The following NINL variants were observed in gnomAD, a reference collection of about 807,000 sequenced individuals.
NINL encodes the protein ninein like.
NINL carries 153 observed loss-of-function variants against 160.3 expected under a neutral mutation model. That is an observed-to-expected ratio of 0.95 (90% CI 0.84 to 1.09). The LOEUF (loss-of-function observed/expected upper bound fraction) is 1.09, where lower values mean the gene tolerates loss of function less well. Among genes scored for constraint, NINL ranks in the 50% least tolerant of loss-of-function variants. The probability of loss-of-function intolerance (pLI) is 0.00; values close to 1 mark genes in which losing one functional copy is unlikely to be tolerated. For missense variants in NINL, 1,829 were observed against 1,764.0 expected (o/e 1.04, Z -0.66); for synonymous variants, 800 against 734.8 (o/e 1.09, Z -1.43).
At position 25,489,908 on chromosome 20, in the gene NINL, C is replaced by A. The variant is rs1168823458; in HGVS notation, c.1563G>T (p.Leu521=). 5 of 1,614,192 alleles carry A rather than the reference C, an allele frequency of 3.1e-6. 1 individual carries two copies. In the Admixed American group the frequency reaches 8.3e-5, roughly 27 times the overall value. ...LSDSERLALK[L]QKDLEFVLKD... ...TCAGCACAAACTCCAGGTCCTTCTGCAGCTTCAGGGCCAGCCTCTCCGAAT... is the reference window on the plus strand; with the variant it reads ...TCAGCACAAACTCCAGGTCCTTCTGAAGCTTCAGGGCCAGCCTCTCCGAAT... Residue 521 remains leucine (L), a synonymous_variant, in exon 12 of 24, where the codon CTG becomes CTT. Transcript: ENST00000278886.
chr20:25,552,320 G>A (rs2147099405), intron 1 of NINL, among the ~76,000 whole-genome samples: 1 of 152,088 alleles, frequency 6.6e-6, no homozygotes, highest in East Asian at 1.9e-4. Context: ...GACCACTTGA[G>A]CCCAGGAGTT....
intron 17 of NINL, among the ~76,000 whole-genome samples, chr20:25,475,472 A>G: frequency 6.6e-6 from 1 of 152,222 alleles, no homozygotes; most frequent in East Asian, 1.9e-4. Flanking sequence ...ACTGCAGACC[A>G]ATCCCTTATG....
chr20:25,577,668 T>G (rs2065130280), intron 1 of NINL, among the ~76,000 whole-genome samples: 1 of 152,150 alleles, frequency 6.6e-6, no homozygotes, highest in South Asian at 2.1e-4. Flanking sequence ...CACCCATGAC[T>G]CTAAGGGGAA....
At chr20:25,553,661 A>C (rs1048565570) in intron 1 of NINL, among the ~76,000 whole-genome samples, 1 of 152,260 alleles carries the variant, frequency 6.6e-6, no homozygotes, top group African/African-American at 2.4e-5. Context: ...ACAGACTTGC[A>C]CGCCATTATG....
intron 8 of NINL, 114 bp from the exon 9 acceptor site, chr20:25,498,460 C>A: frequency 7.5e-7 from 1 of 1,336,302 alleles, no homozygotes; most frequent in Non-Finnish European, 1.0e-6. Flanking sequence ...CCAGGCAGCA[C>A]CTGCCCCTCC....
intron 1 of NINL, among the ~76,000 whole-genome samples, chr20:25,563,496 C>T (rs1249463420): frequency 6.6e-6 from 1 of 152,014 alleles, no homozygotes; most frequent in Non-Finnish European, 1.5e-5. Flanking sequence ...GAAATAAAAC[C>T]TAATGAACAA....
intron 1 of NINL, among the ~76,000 whole-genome samples, chr20:25,569,674 C>G (rs1368120163): frequency 6.6e-6 from 1 of 152,210 alleles, no homozygotes; most frequent in Non-Finnish European, 1.5e-5. Flanking sequence ...AGGCCGACGA[C>G]TGGTAACCCA....
In NINL at chr20:25,453,680, G is replaced by T. The variant is rs372633499; in HGVS notation, c.3958-38C>A. The T allele has an allele frequency of 3.9e-6, 6 of 1,539,878 alleles. No homozygotes were observed. The Admixed American group carries it at 1.2e-4, about 30-fold the overall frequency. On this transcript the variant is annotated intron_variant, in intron 23 of 23. Coordinates refer to ENST00000278886, the MANE Select transcript of NINL (RefSeq NM_025176.6). ...GGAAGCCATGCTTTGCATGAGGCCG[G>T]TGGAGAAACGCTACAGATCAGCCTG...
rs538614748 is a variant in NINL, at chr20:25,454,731, C to T, written c.3957+942G>A. On this transcript the variant is annotated intron_variant, in intron 23 of 23. Coordinates refer to ENST00000278886, the MANE Select transcript of NINL (RefSeq NM_025176.6). ...ACCCCACACCCGTGGGGTCCACCCA[C>T]ACCCTGTGCCATCAGCCCTCAGGGC... Among the ~76,000 whole-genome samples, 134 of 152,284 alleles carry T rather than the reference C, an allele frequency of 8.8e-4. 3 individuals are homozygous for T. The South Asian group carries it at 0.024, about 28-fold the overall frequency.
chr20:25,518,441 T>C (rs1020640233), intron 2 of NINL, among the ~76,000 whole-genome samples: 3 of 152,244 alleles, frequency 2.0e-5, no homozygotes, highest in African/African-American at 7.2e-5. Context: ...CACTCTTTAA[T>C]ACAGTAAAGC....
At chr20:25,554,465 A>G (rs2064840761) in intron 1 of NINL, among the ~76,000 whole-genome samples, 1 of 152,054 alleles carries the variant, frequency 6.6e-6, no homozygotes. Context: ...TGCATACTGG[A>G]GTTTAAGGAT....
At chr20:25,545,983 T>C (rs972149781) in intron 1 of NINL, among the ~76,000 whole-genome samples, 2 of 39,176 alleles carry the variant, frequency 5.1e-5, no homozygotes, top group African/African-American at 7.5e-5. Context: ...TGTTGTTTTG[T>C]TTTTATTTTT....
rs769285287 is a variant in NINL at position 25,476,682 on chromosome 20, TCA to T, written c.2607_2608del (p.Glu870GlyfsTer103). ...GCGAGGCCCGGCTCCTGCCGCCTCC[TCA>T]GACTCTCTGCCATCACCTGGGGCCA... On this transcript the variant is annotated frameshift_variant, in exon 17 of 24. Transcript: ENST00000278886. LOFTEE classifies it high-confidence loss of function. 1 of 1,592,662 alleles carries T rather than the reference TCA, an allele frequency of 6.3e-7. No homozygotes were observed. Among genetic ancestry groups the T allele is most frequent in the South Asian group, 1.1e-5 (1 of 89,618 alleles).
At chr20:25,498,494 T>C in intron 8 of NINL, 148 bp from the exon 9 acceptor site, 2 of 1,039,934 alleles carry the variant, frequency 1.9e-6, no homozygotes, top group Non-Finnish European at 1.4e-6. Context: ...CTCTGCGTCT[T>C]GAGGGGTGCT....
intron 1 of NINL, among the ~76,000 whole-genome samples, chr20:25,577,895 C>T (rs1040450923): frequency 1.6e-4 from 24 of 151,450 alleles, no homozygotes; most frequent in Admixed American, 1.3e-3. Flanking sequence ...TGCAATGGCG[C>T]GATCTCGGCT....
At chr20:25,514,673 AG>A (rs1478245343) in intron 3 of NINL, among the ~76,000 whole-genome samples, 1 of 152,222 alleles carries the variant, frequency 6.6e-6, no homozygotes, top group African/African-American at 2.4e-5. Flanking sequence ...CAAGGAGGAA[AG>A]AATGGTTTCA....
intron 1 of NINL, among the ~76,000 whole-genome samples, chr20:25,540,303 G>C (rs6083877): frequency 0.22 from 34,028 of 152,192 alleles, 4,829 homozygotes; most frequent in Non-Finnish European, 0.31. Flanking sequence ...CCAAGTGAAA[G>C]AAAATCCTGT....
intron 4 of NINL, among the ~76,000 whole-genome samples, chr20:25,511,936 TGA>T (rs2064077273): frequency 6.6e-6 from 1 of 152,178 alleles, no homozygotes; most frequent in East Asian, 1.9e-4. Context: ...TGGCAGAAGC[TGA>T]GAGCACAGAG....
chr20:25,510,727 T>C lies in NINL; in HGVS notation c.464A>G (p.Asp155Gly). 3.1e-6 allele frequency: 5 copies of C among 1,613,710 alleles called. No individual in the cohort carries two copies. Among genetic ancestry groups the C allele is most frequent in the Non-Finnish European group, 4.2e-6 (5 of 1,179,836 alleles). ...TTCTTTAGTGCTCTCGGCCTCTTCA[T>C]CTGACTTGGGACTCTGTAGAAAGAT... ...SLESVESPKS[D>G]EEAESTKEAQ... Residue 155 changes from aspartate to glycine, a missense_variant, in exon 5 of 24, where the codon GAT becomes GGT. Coordinates refer to ENST00000278886, the MANE Select transcript of NINL (RefSeq NM_025176.6).
Sources: gnomAD v4.1 joint callset for allele counts (sites outside exome capture counted in the v4.1 genomes callset) on GRCh38, gnomAD v4.1.1 for gene constraint, MANE v1.5 for transcripts, NCBI Gene and HGNC (gene_info 2026-07-23, HGNC 2026-07-21) for gene names.